Variants in OCA2 observed in about 807,000 individuals in gnomAD.
OCA2 encodes the protein P protein.
Under a neutral mutation model 100.2 loss-of-function variants are expected in OCA2, and 77 were observed. The observed-to-expected ratio is 0.77, with a 90% CI of 0.64 to 0.93. The LOEUF is 0.93. Ranked by LOEUF, OCA2 falls within the 40% of genes least tolerant of loss-of-function variation. OCA2 has a pLI of 0.00. For missense variants in OCA2, 1,062 were observed against 1,089.1 expected, an observed-to-expected ratio of 0.98 and a Z score of 0.35; for synonymous variants, 432 against 439.2, an observed-to-expected ratio of 0.98 and a Z score of 0.21.
At chr15:28,097,622 G>A (rs1459735924) in intron 1 of OCA2, among the ~76,000 whole-genome samples, 6 of 152,122 alleles carry the variant, frequency 3.9e-5, no homozygotes, top group Admixed American at 3.9e-4. Context: ...GTGGACAGGT[G>A]GCCGCCCAAC....
chr15:27,783,161 T>G (rs1444721918), intron 23 of OCA2, among the ~76,000 whole-genome samples: 1 of 152,168 alleles, frequency 6.6e-6, no homozygotes, highest in African/African-American at 2.4e-5. Context: ...AATAAGCTCA[T>G]TAGCAGTGTC....
intron 19 of OCA2, among the ~76,000 whole-genome samples, chr15:27,887,273 T>C (rs1218645597): frequency 6.6e-6 from 1 of 151,430 alleles, no homozygotes; most frequent in East Asian, 2.0e-4. Context: ...CCCAGGAAAA[T>C]GGGAACAGCA....
At chr15:28,085,985 G>A (rs1255659286) in intron 1 of OCA2, among the ~76,000 whole-genome samples, 1 of 152,140 alleles carries the variant, frequency 6.6e-6, no homozygotes, top group Non-Finnish European at 1.5e-5. Flanking sequence ...AGGCTGAGTG[G>A]GCACCCTCCA....
chr15:27,873,066 A>G (rs753836165), intron 19 of OCA2, among the ~76,000 whole-genome samples: 1 of 152,232 alleles, frequency 6.6e-6, no homozygotes, highest in Non-Finnish European at 1.5e-5. Context: ...TTTAAAAGCT[A>G]TGGAGCCCAA....
chr15:28,056,793 G>A (rs1291912375), intron 2 of OCA2, among the ~76,000 whole-genome samples: 1 of 152,218 alleles, frequency 6.6e-6, no homozygotes, highest in Non-Finnish European at 1.5e-5. Context: ...GCTCAACAGG[G>A]CTCCACACTA....
chr15:27,947,195 T>A (rs959707612), intron 18 of OCA2, among the ~76,000 whole-genome samples: 1 of 152,240 alleles, frequency 6.6e-6, no homozygotes, highest in Non-Finnish European at 1.5e-5. Flanking sequence ...CTCCTATTAC[T>A]CTGCCTTCTG....
At chr15:27,981,297 C>G (rs1595757651) in intron 14 of OCA2, among the ~76,000 whole-genome samples, 1 of 152,280 alleles carries the variant, frequency 6.6e-6, no homozygotes, top group Middle Eastern at 3.4e-3. Flanking sequence ...TGTGCCTGTT[C>G]TACGTTAGTT....
intron 9 of OCA2, among the ~76,000 whole-genome samples, chr15:27,999,350 T>C (rs906018775): frequency 6.6e-6 from 1 of 152,092 alleles, no homozygotes; most frequent in African/African-American, 2.4e-5. Flanking sequence ...CTTAACAGAA[T>C]GAAGGATAAA....
At chr15:27,869,775 G>T (rs2036470445) in intron 21 of OCA2, among the ~76,000 whole-genome samples, 1 of 152,188 alleles carries the variant, frequency 6.6e-6, no homozygotes, top group African/African-American at 2.4e-5. Context: ...TGTGGACTGT[G>T]TTTCCCTGGA....
chr15:27,726,001 GATA>G, the OCA2 span, among the ~76,000 whole-genome samples: 1 of 151,708 alleles, frequency 6.6e-6, no homozygotes. Context: ...ATAACTACCA[GATA>G]ATAAATAGTT....
intron 23 of OCA2, among the ~76,000 whole-genome samples, chr15:27,770,255 C>T (rs2031615666): frequency 6.6e-6 from 1 of 152,192 alleles, no homozygotes. Context: ...CCGCGGGGTC[C>T]GCAGGCCTCC....
chr15:28,044,215 A>G (rs2043283110), intron 2 of OCA2, among the ~76,000 whole-genome samples: 1 of 152,246 alleles, frequency 6.6e-6, no homozygotes, highest in Admixed American at 6.5e-5. Context: ...TATTCTAACC[A>G]ATATCTAATT....
At chr15:27,973,818 T>C (rs542117139) in intron 14 of OCA2, among the ~76,000 whole-genome samples, 1 of 152,368 alleles carries the variant, frequency 6.6e-6, no homozygotes, top group African/African-American at 2.4e-5. Context: ...TCCATAAGTA[T>C]GGGATGCATT....
downstream of OCA2, among the ~76,000 whole-genome samples, chr15:27,754,107 C>T (rs62001330): frequency 1.0e-3 from 155 of 152,150 alleles, no homozygotes; most frequent in Non-Finnish European, 2.0e-3. Flanking sequence ...ATCCAGTCAG[C>T]TGCACGTGTC....
intron 2 of OCA2, among the ~76,000 whole-genome samples, chr15:28,062,987 C>T (rs141518248): frequency 6.6e-6 from 1 of 152,276 alleles, no homozygotes; most frequent in East Asian, 1.9e-4. Context: ...AAGCAGAAAG[C>T]ATGAGTCTTC....
chr15:28,039,849 A>G (rs1189803360), intron 2 of OCA2, among the ~76,000 whole-genome samples: 3 of 152,174 alleles, frequency 2.0e-5, no homozygotes, highest in African/African-American at 4.8e-5. Flanking sequence ...CCTGGCCAAC[A>G]TGGTGAAACC....
intron 6 of OCA2, among the ~76,000 whole-genome samples, chr15:28,020,599 G>A (rs1021248008): frequency 6.6e-6 from 1 of 151,976 alleles, no homozygotes; most frequent in African/African-American, 2.4e-5. Flanking sequence ...TCATCCTGGA[G>A]AAGTAATGCA....
chr15:27,807,875 C>A (rs865847720), intron 23 of OCA2, among the ~76,000 whole-genome samples: 6 of 152,202 alleles, frequency 3.9e-5, no homozygotes, highest in African/African-American at 1.4e-4. Context: ...CCCAGAGGCA[C>A]CTGCTGTCCA....
chr15:27,730,894 G>C, the OCA2 span, among the ~76,000 whole-genome samples: 3 of 151,556 alleles, frequency 2.0e-5, no homozygotes, highest in African/African-American at 7.3e-5. Context: ...GCAACAGAGT[G>C]AGTTTTAGAC....
Sources: gnomAD v4.1 joint callset for allele counts (sites outside exome capture counted in the v4.1 genomes callset) on GRCh38, gnomAD v4.1.1 for gene constraint, MANE v1.5 for transcripts, NCBI Gene and HGNC (gene_info 2026-07-23, HGNC 2026-07-21) for gene names.